The following HOMER3 variants were observed in gnomAD, a reference collection of about 807,000 sequenced individuals.
The protein encoded by HOMER3 is homer protein homolog 3.
HOMER3 carries 34 observed loss-of-function variants against 45.5 expected under a neutral mutation model. That is an observed-to-expected ratio of 0.75 (90% CI 0.57 to 1.00). HOMER3 has a LOEUF of 1.00. Ranked by LOEUF, HOMER3 falls within the 50% of genes least tolerant of loss-of-function variation. The pLI is 0.00. For missense variants in HOMER3, 480 were observed against 497.5 expected (o/e 0.96, Z 0.33); for synonymous variants, 223 against 208.8 (o/e 1.07, Z -0.58).
In HOMER3 at chr19:18,938,493, G is replaced by A. The variant is rs753487626; in HGVS notation, c.172-9C>T. The A allele has an allele frequency of 1.2e-5, 20 of 1,610,716 alleles. No homozygotes were observed. The highest frequency in any genetic ancestry group is 4.5e-5 in the East Asian group (2 of 44,718). On this transcript the variant is annotated splice_polypyrimidine_tract_variant and intron_variant, in intron 3 of 9. Transcript: ENST00000392351. The stretch of plus-strand genomic sequence containing the variant: ...GTGCTGTTGATGATGGCCTAGGGTC[G>A]GGGAACAAAGTTCAAGGTAGATGGG...
At chr19:18,939,291 A>C in intron 1 of HOMER3, 20 of 332,894 alleles carry the variant, frequency 6.0e-5, no homozygotes, top group East Asian at 2.1e-4. Context: ...AATTTAAACA[A>C]TTAGCTGGGT....
chr19:18,937,000 CAA>C (rs758983070), intron 4 of HOMER3, among the ~76,000 whole-genome samples: 13 of 93,378 alleles, frequency 1.4e-4, no homozygotes, highest in Non-Finnish European at 8.9e-5. Context: ...GACTCCGTCT[CAA>C]AAAAAAAAAA....
intron 4 of HOMER3, among the ~76,000 whole-genome samples, chr19:18,937,803 G>A (rs533164704): frequency 6.6e-6 from 1 of 152,236 alleles, no homozygotes; most frequent in Non-Finnish European, 1.5e-5. Flanking sequence ...GGTATTGCTG[G>A]GGCATGTGGG....
At chr19:18,934,475 C>G in intron 4 of HOMER3, 65 bp from the exon 5 acceptor site, 1 of 960,736 alleles carries the variant, frequency 1.0e-6, no homozygotes, top group Non-Finnish European at 1.5e-6. Context: ...GTCACCATCA[C>G]TCAGTGACAG....
At chr19:18,940,930 AC>A (rs2057149566) in intron 1 of HOMER3, 120 bp downstream of exon 1, 2 of 151,512 alleles carry the variant, frequency 1.3e-5, no homozygotes, top group Non-Finnish European at 2.9e-5. Context: ...GAACTTGGGG[AC>A]CCCTCGCGCC....
At chr19:18,931,209 G>T in intron 9 of HOMER3, 116 bp downstream of exon 9, 2 of 880,224 alleles carry the variant, frequency 2.3e-6, no homozygotes, top group Non-Finnish European at 3.6e-6. Flanking sequence ...TGGGCATCAG[G>T]CCTTCCACAG....
At chr19:18,934,877 T>TTG (rs1555715174) in intron 4 of HOMER3, among the ~76,000 whole-genome samples, 7 of 78,730 alleles carry the variant, frequency 8.9e-5, no homozygotes, top group Non-Finnish European at 1.9e-4. Flanking sequence ...TTTTGTTTTT[T>TTG]TTTTTTTTGA....
Position 18,929,226 on chromosome 19 carries a change from G to GA in HOMER3, c.*216dup. ...GCCACGCTTAGAAATGTAATCGGGGGATCTAGAAATTCTACACAATGAGAA... is the reference window on the plus strand; with the variant it reads ...GCCACGCTTAGAAATGTAATCGGGGGAATCTAGAAATTCTACACAATGAGAA... On this transcript the variant is annotated 3_prime_UTR_variant, in exon 10 of 10. Transcript: ENST00000392351. 1 of 764,444 alleles carries GA rather than the reference G, an allele frequency of 1.3e-6. No individual in the cohort carries two copies. Among genetic ancestry groups the GA allele is most frequent in the Non-Finnish European group, 2.4e-6 (1 of 418,268 alleles). 47.4% of individuals were successfully genotyped at this position (764,444 alleles called of 1,614,324 possible). A position where few individuals can be genotyped will look rare whatever the true frequency, so the allele number is the denominator to read the frequency against.
chr19:18,933,165 G>GCA, intron 5 of HOMER3, 120 bp from the exon 6 acceptor site: 1 of 1,265,960 alleles, frequency 7.9e-7, no homozygotes, highest in Non-Finnish European at 1.0e-6. Context: ...GTCCTTCACA[G>GCA]CACAGGATCC....
At chr19:18,930,743 C>T (rs4522526) in intron 9 of HOMER3, among the ~76,000 whole-genome samples, 25,941 of 150,672 alleles carry the variant, frequency 0.17, 3,408 homozygotes, top group African/African-American at 0.37. Context: ...GGCACGGTGG[C>T]GCATGTCTGT....
intron 3 of HOMER3, 62 bp from the exon 4 acceptor site, chr19:18,938,546 CA>C: frequency 6.4e-7 from 1 of 1,573,426 alleles, no homozygotes. Flanking sequence ...TGAAACCCCC[CA>C]GGTATTACCT....
chr19:18,937,398 C>T (rs1056237702), intron 4 of HOMER3, among the ~76,000 whole-genome samples: 1 of 150,918 alleles, frequency 6.6e-6, no homozygotes, highest in Non-Finnish European at 1.5e-5. Flanking sequence ...CAAAGAAAGC[C>T]TGGTGTGGTA....
At position 18,931,996 on chromosome 19, in the gene HOMER3, C is replaced by A. The variant is rs76696102; in HGVS notation, c.670G>T (p.Ala224Ser). Residue 224 changes from alanine to serine, a missense_variant, in exon 7 of 10, where the codon GCC becomes TCC. Ala to Ser is a moderately conservative substitution (Grantham distance 99, BLOSUM62 1). Coordinates refer to ENST00000392351, the MANE Select transcript of HOMER3 (RefSeq NM_004838.4). ...RQQLEAQRAE[A>S]ERLRQRVAEL... Reference sequence around the variant, plus strand: ...CTCACCCGCTGCCGCAGCCGCTCGGCCTCTGCACGCTGAGCCTCCAGCTGC... The same window carrying A: ...CTCACCCGCTGCCGCAGCCGCTCGGACTCTGCACGCTGAGCCTCCAGCTGC... 2.3e-3 allele frequency: 3,615 copies of A among 1,544,238 alleles called. 53 individuals carry two copies. The African/African-American group carries it at 0.041, about 17-fold the overall frequency.
intron 5 of HOMER3, among the ~76,000 whole-genome samples, 187 bp downstream of exon 5, chr19:18,934,116 T>C (rs931669385): frequency 6.6e-6 from 1 of 152,212 alleles, no homozygotes; most frequent in Admixed American, 6.5e-5. Context: ...AGACCCTCTA[T>C]GACACACTCC....
chr19:18,929,290 G>A lies in HOMER3; in HGVS notation c.*153C>T, dbSNP rs1020417998. On this transcript the variant is annotated 3_prime_UTR_variant, in exon 10 of 10. Coordinates refer to ENST00000392351, the MANE Select transcript of HOMER3 (RefSeq NM_004838.4). ...CCCAAAGCTGCCAACAACCAGAGCC[G>A]ACTGGGGCCCACCCCAGCCCAGCCC... The A allele has an allele frequency of 1.1e-5, 9 of 841,086 alleles. No individual in the cohort carries two copies. The highest frequency in any genetic ancestry group is 2.4e-5 in the East Asian group (1 of 41,546). 52.1% of individuals were successfully genotyped at this position (841,086 alleles called of 1,614,324 possible). A position where few individuals can be genotyped will look rare whatever the true frequency, so the allele number is the denominator to read the frequency against.
Position 18,939,034 on chromosome 19 carries a change from A to T in HOMER3, c.-52T>A. On this transcript the variant is annotated 5_prime_UTR_variant, in exon 2 of 10. Coordinates refer to ENST00000392351, the MANE Select transcript of HOMER3 (RefSeq NM_004838.4). ...AGGGGGCAGCCAGAGAGGTGGCAGGAGCACTGGTTTGGCCCCTAGGGAGAG... is the reference window on the plus strand; with the variant it reads ...AGGGGGCAGCCAGAGAGGTGGCAGGTGCACTGGTTTGGCCCCTAGGGAGAG... 1 of 1,527,752 alleles carries T rather than the reference A, an allele frequency of 6.5e-7. No homozygotes were observed. Among genetic ancestry groups the T allele is most frequent in the Non-Finnish European group, 8.8e-7 (1 of 1,137,862 alleles). The allele number at this position is 1,527,752 out of a possible 1,614,324, so 94.6% of individuals were successfully genotyped here.
intron 1 of HOMER3, chr19:18,939,338 G>A: frequency 3.8e-6 from 1 of 262,884 alleles, no homozygotes. Context: ...CTACTGGGGA[G>A]GCTGAGGTGG....
intron 6 of HOMER3, 138 bp from the exon 7 acceptor site, chr19:18,932,270 C>T: frequency 2.1e-6 from 1 of 472,952 alleles, no homozygotes; most frequent in Non-Finnish European, 2.9e-6. Flanking sequence ...GGTGCGGAGT[C>T]GTGCGCGAAG....
chr19:18,931,097 CG>C (rs776978698), intron 9 of HOMER3: 327 of 505,222 alleles, frequency 6.5e-4, no homozygotes, highest in Non-Finnish European at 1.1e-3. Flanking sequence ...GAGGAATTGA[CG>C]GGGTCTGGCA....
Sources: gnomAD v4.1 joint callset for allele counts (sites outside exome capture counted in the v4.1 genomes callset) on GRCh38, gnomAD v4.1.1 for gene constraint, MANE v1.5 for transcripts, NCBI Gene and HGNC (gene_info 2026-07-23, HGNC 2026-07-21) for gene names.